Variants in R3HDM2 observed in about 807,000 individuals in gnomAD.
R3HDM2 encodes the protein R3H domain-containing protein 2.
Under a neutral mutation model 124.5 loss-of-function variants are expected in R3HDM2, and 38 were observed. The ratio of observed to expected loss-of-function variants is 0.31; its 90% confidence interval spans 0.24 to 0.40. The LOEUF is 0.40. Among genes scored for constraint, R3HDM2 ranks in the 10% least tolerant of loss-of-function variants. The pLI, the probability that R3HDM2 is intolerant of heterozygous loss-of-function variation, is 1.00. For missense variants in R3HDM2, 869 were observed against 1,236.9 expected, an observed-to-expected ratio of 0.70 and a Z score of 4.46; for synonymous variants, 391 against 448.0, an observed-to-expected ratio of 0.87 and a Z score of 1.61.
intron 2 of R3HDM2, among the ~76,000 whole-genome samples, chr12:57,334,080 A>T (rs928601504): frequency 2.0e-5 from 3 of 151,892 alleles, no homozygotes; most frequent in Non-Finnish European, 2.9e-5. Context: ...TCACATATAT[A>T]AAAAAAACCT....
At chr12:57,335,742 A>G (rs1189264907) in intron 2 of R3HDM2, among the ~76,000 whole-genome samples, 1 of 150,594 alleles carries the variant, frequency 6.6e-6, no homozygotes, top group Non-Finnish European at 1.5e-5. Flanking sequence ...GCCTCACAAG[A>G]TCTTCCCATG....
intron 1 of R3HDM2, among the ~76,000 whole-genome samples, chr12:57,410,080 G>A (rs2068872909): frequency 6.6e-6 from 1 of 151,540 alleles, no homozygotes; most frequent in African/African-American, 2.4e-5. Flanking sequence ...TTTTTCTACT[G>A]TCCCTAAAAT....
At chr12:57,394,965 T>G (rs1008600371) in intron 2 of R3HDM2, among the ~76,000 whole-genome samples, 5 of 152,104 alleles carry the variant, frequency 3.3e-5, no homozygotes, top group African/African-American at 1.2e-4. Flanking sequence ...AACCCAGCAC[T>G]TTGGGAGGCC....
intron 3 of R3HDM2, among the ~76,000 whole-genome samples, chr12:57,306,147 A>G (rs753138986): frequency 3.9e-5 from 6 of 152,226 alleles, no homozygotes; most frequent in Non-Finnish European, 8.8e-5. Flanking sequence ...GCTCCTATTT[A>G]TAACAGGGAC....
chr12:57,360,953 G>A (rs2061870930), intron 2 of R3HDM2, among the ~76,000 whole-genome samples: 1 of 148,600 alleles, frequency 6.7e-6, no homozygotes, highest in Non-Finnish European at 1.5e-5. Flanking sequence ...TTGGGAGGCT[G>A]AGGCAGGAGA....
intron 2 of R3HDM2, among the ~76,000 whole-genome samples, chr12:57,323,603 T>C (rs371705742): frequency 6.6e-6 from 1 of 152,214 alleles, no homozygotes; most frequent in Admixed American, 6.5e-5. Flanking sequence ...TCCAGAGCAA[T>C]TCCTTAGGCA....
chr12:57,327,481 A>C (rs1211820627), intron 2 of R3HDM2, among the ~76,000 whole-genome samples: 4 of 151,804 alleles, frequency 2.6e-5, no homozygotes, highest in Admixed American at 2.0e-4. Flanking sequence ...AAAAAAAAAA[A>C]AAGAAATACA....
At position 57,348,683 on chromosome 12, in the gene R3HDM2, G is replaced by A. The variant is rs1382470404; in HGVS notation, c.-35-38220C>T. 3.5e-4 allele frequency among the ~76,000 whole-genome samples: 39 copies of A among 112,378 alleles called. 1 individual carries two copies. In the Admixed American group the frequency reaches 3.9e-3, roughly 11 times the overall value. 73.7% of individuals were successfully genotyped at this position (112,378 alleles called of 152,430 possible). A position where few individuals can be genotyped will look rare whatever the true frequency, so the allele number is the denominator to read the frequency against. ...TACTCTAGCCTGGGCGACAGAGCGA[G>A]ACTCCGTCTCAAAAAAAAAAAAAAA... On this transcript the variant is annotated intron_variant, in intron 2 of 23. Coordinates refer to ENST00000402412, the MANE Select transcript of R3HDM2 (RefSeq NM_001394031.1).
intron 2 of R3HDM2, among the ~76,000 whole-genome samples, chr12:57,340,194 C>G (rs532461881): frequency 2.6e-4 from 39 of 152,186 alleles, no homozygotes; most frequent in Non-Finnish European, 3.1e-4. Flanking sequence ...TAAACAAAAC[C>G]GTCATCTTTT....
At chr12:57,421,591 T>A (rs994324379) in intron 1 of R3HDM2, among the ~76,000 whole-genome samples, 14 of 151,504 alleles carry the variant, frequency 9.2e-5, no homozygotes, top group African/African-American at 3.4e-4. Flanking sequence ...TACTGCAGCC[T>A]TGATTCCCAG....
rs1018552133 is a variant in R3HDM2 at position 57,266,581 on chromosome 12, G to A, written c.2131+150C>T. On this transcript the variant is annotated intron_variant, in intron 19 of 23. Coordinates refer to ENST00000402412, the MANE Select transcript of R3HDM2 (RefSeq NM_001394031.1). ...GCTTCAGTACCCTTGGAAAACACCA[G>A]CTAAGACTGTTTTTTCTTTGTGATG... 1.6e-5 allele frequency: 10 copies of A among 633,144 alleles called. No individual in the cohort carries two copies. In the Admixed American group the frequency reaches 2.3e-4, roughly 14 times the overall value. The allele number at this position is 633,144 out of a possible 1,614,324, so 39.2% of individuals were successfully genotyped here. A position where few individuals can be genotyped will look rare whatever the true frequency, so the allele number is the denominator to read the frequency against.
At chr12:57,356,182 A>G (rs1404874556) in intron 2 of R3HDM2, among the ~76,000 whole-genome samples, 1 of 152,150 alleles carries the variant, frequency 6.6e-6, no homozygotes, top group African/African-American at 2.4e-5. Context: ...ACCACTAAGT[A>G]TTATATTAGC....
rs1284557782 is a variant in R3HDM2 at position 57,348,706 on chromosome 12, AAAAAAAAAAAAAAAAGAG to A, written c.-35-38261_-35-38244del. On this transcript the variant is annotated intron_variant, in intron 2 of 23. Coordinates refer to ENST00000402412, the MANE Select transcript of R3HDM2 (RefSeq NM_001394031.1). ...GAGACTCCGTCTCAAAAAAAAAAAA[AAAAAAAAAAAAAAAAGAG>A]AGAGAAAAATTAGCCAGGCATGGTG... 7.5e-4 allele frequency among the ~76,000 whole-genome samples: 34 copies of A among 45,490 alleles called. 3 individuals carry two copies. The highest frequency in any genetic ancestry group is 1.6e-3 in the African/African-American group (31 of 19,944). The allele number at this position is 45,490 out of a possible 152,430, so 29.8% of individuals were successfully genotyped here.
At chr12:57,297,812 T>A (rs995773629) in intron 7 of R3HDM2, 45 of 430,288 alleles carry the variant, frequency 1.0e-4, no homozygotes, top group Non-Finnish European at 1.5e-4. Flanking sequence ...ACTCCCAATG[T>A]GTGCTTTTTA....
In R3HDM2 at chr12:57,291,652, T is replaced by TA. The variant is rs112491276; in HGVS notation, c.906+919dup. 2.7e-3 allele frequency among the ~76,000 whole-genome samples: 298 copies of TA among 111,532 alleles called. 3 individuals are homozygous for TA. The highest frequency in any genetic ancestry group is 5.6e-3 in the East Asian group (23 of 4,134). The allele number at this position is 111,532 out of a possible 152,430, so 73.2% of individuals were successfully genotyped here. Reference sequence around the variant, plus strand: ...CTGGGTGACAAAGCGAAACCCTATCTAAAAAAAAAAAAACAAAAAAAAACA... The same window carrying TA: ...CTGGGTGACAAAGCGAAACCCTATCTAAAAAAAAAAAAAACAAAAAAAAACA... On this transcript the variant is annotated intron_variant, in intron 11 of 23. Transcript: ENST00000402412.
Position 57,370,386 on chromosome 12 carries a change from T to C in R3HDM2, c.-36+25363A>G, listed in dbSNP as rs903106231. Among the ~76,000 whole-genome samples the C allele has an allele frequency of 3.2e-4, 31 of 96,266 alleles. 3 individuals are homozygous for C. The East Asian group carries it at 8.5e-3, about 26-fold the overall frequency. 63.2% of individuals were successfully genotyped at this position (96,266 alleles called of 152,430 possible). A position where few individuals can be genotyped will look rare whatever the true frequency, so the allele number is the denominator to read the frequency against. On this transcript the variant is annotated intron_variant, in intron 2 of 23. Coordinates refer to ENST00000402412, the MANE Select transcript of R3HDM2 (RefSeq NM_001394031.1). Reference sequence around the variant, plus strand: ...TGGCTCATGCCTCTAATCACAGCACTTTGGGAGGCCCGGGGGGGGGGGGCG... The same window carrying C: ...TGGCTCATGCCTCTAATCACAGCACCTTGGGAGGCCCGGGGGGGGGGGGCG...
At chr12:57,346,709 A>G (rs1370666030) in intron 2 of R3HDM2, among the ~76,000 whole-genome samples, 3 of 152,228 alleles carry the variant, frequency 2.0e-5, no homozygotes, top group African/African-American at 7.2e-5. Context: ...AATATGGAAG[A>G]CCAGAAGGAA....
At chr12:57,366,398 G>A (rs994244427) in intron 2 of R3HDM2, among the ~76,000 whole-genome samples, 4 of 152,150 alleles carry the variant, frequency 2.6e-5, no homozygotes, top group African/African-American at 9.7e-5. Flanking sequence ...CTTCTGCTGT[G>A]CCGATCTGCT....
At chr12:57,319,321 C>T (rs991150737) in intron 2 of R3HDM2, among the ~76,000 whole-genome samples, 1 of 152,218 alleles carries the variant, frequency 6.6e-6, no homozygotes, top group African/African-American at 2.4e-5. Flanking sequence ...CAGGCGTGAG[C>T]CACTACGCCC....
Sources: gnomAD v4.1 joint callset for allele counts (sites outside exome capture counted in the v4.1 genomes callset) on GRCh38, gnomAD v4.1.1 for gene constraint, MANE v1.5 for transcripts, NCBI Gene and HGNC (gene_info 2026-07-23, HGNC 2026-07-21) for gene names.